Variants in USP50 observed in about 807,000 individuals in gnomAD.
The protein encoded by USP50 is ubiquitin specific peptidase 50, also known as ubiquitin carboxyl-terminal hydrolase 50.
USP50 carries 37 observed loss-of-function variants against 39.2 expected under a neutral mutation model. The observed-to-expected ratio is 0.94, with a 90% CI of 0.73 to 1.24. The LOEUF (loss-of-function observed/expected upper bound fraction) is 1.24. Ranked by LOEUF, USP50 falls within the 50% of genes most tolerant of loss-of-function variation. USP50 has a pLI of 0.00. For synonymous variants in USP50, 139 were observed against 144.5 expected, an observed-to-expected ratio of 0.96 and a Z score of 0.27; for missense variants, 374 against 398.2, an observed-to-expected ratio of 0.94 and a Z score of 0.52.
At chr15:50,523,096 A>C (rs548638905) in intron 6 of USP50, among the ~76,000 whole-genome samples, 1 of 151,360 alleles carries the variant, frequency 6.6e-6, no homozygotes, top group East Asian at 1.9e-4. Context: ...ACCCCTAAAA[A>C]CTCCACCAAA....
chr15:50,523,415 C>T (rs1329501460), intron 6 of USP50, among the ~76,000 whole-genome samples: 1 of 151,796 alleles, frequency 6.6e-6, no homozygotes, highest in Admixed American at 6.6e-5. Context: ...TCAAGCAATC[C>T]TCCCACCTCT....
At chr15:50,499,816 A>G (rs1470043276), downstream of USP50, 1 of 152,194 alleles carries the variant, frequency 6.6e-6, no homozygotes, top group Non-Finnish European at 1.5e-5. Flanking sequence ...ATATTGTATT[A>G]TCAAATATAG....
At chr15:50,500,865 G>A in intron 6 of USP50, 28 bp from the exon 7 acceptor site, 1 of 1,547,188 alleles carries the variant, frequency 6.5e-7, no homozygotes, top group South Asian at 1.2e-5. Context: ...GTCAAACTTA[G>A]TATTCACATA....
chr15:50,516,088 T>A (rs2052801443), intron 6 of USP50, among the ~76,000 whole-genome samples: 1 of 152,196 alleles, frequency 6.6e-6, no homozygotes, highest in African/African-American at 2.4e-5. Context: ...TAAAATAGCC[T>A]GTAGTAAGTA....
intron 6 of USP50, among the ~76,000 whole-genome samples, chr15:50,516,660 A>G (rs1332699291): frequency 1.3e-5 from 2 of 152,040 alleles, no homozygotes; most frequent in African/African-American, 4.8e-5. Context: ...TAGCTACGAG[A>G]GGCAGTAGGG....
chr15:50,526,746 C>T lies in USP50; in HGVS notation c.936+3051G>A, dbSNP rs150298903. Among the ~76,000 whole-genome samples, 19 of 152,220 alleles carry T rather than the reference C, an allele frequency of 1.2e-4. No homozygotes were observed. In the East Asian group the frequency reaches 2.5e-3, roughly 20 times the overall value. The stretch of plus-strand genomic sequence containing the variant: ...CACAATGTCAGAGACGAGAGCAAGA[C>T]GGTTTGGAGCCAGCCTGCCTGGGTT... On this transcript the variant is annotated intron_variant, in intron 6 of 6. Transcript: ENST00000532404.
chr15:50,527,783 T>C (rs185086723), intron 6 of USP50, among the ~76,000 whole-genome samples: 232 of 151,788 alleles, frequency 1.5e-3, no homozygotes, highest in Non-Finnish European at 2.5e-3. Flanking sequence ...TACAGGTGCA[T>C]GCCACCACAC....
chr15:50,544,552 G>A (rs753448080), intron 2 of USP50, 35 bp downstream of exon 2: 34 of 1,580,396 alleles, frequency 2.2e-5, no homozygotes, highest in African/African-American at 2.7e-5. Flanking sequence ...AAGTGGGGGT[G>A]GGGGCTGGGC....
downstream of USP50, chr15:50,499,120 A>C: frequency 6.5e-7 from 1 of 1,541,564 alleles, no homozygotes; most frequent in Non-Finnish European, 8.7e-7. Flanking sequence ...GTTATCTTTT[A>C]AAAGGCTCAG....
downstream of USP50, chr15:50,499,064 A>C (rs536740079): frequency 5.6e-6 from 9 of 1,611,140 alleles, no homozygotes; most frequent in Middle Eastern, 1.7e-4. Context: ...CATTGGGACC[A>C]CGAGTAACTG....
chr15:50,542,074 A>G (rs962317018), intron 3 of USP50, among the ~76,000 whole-genome samples: 1 of 152,024 alleles, frequency 6.6e-6, no homozygotes, highest in African/African-American at 2.4e-5. Context: ...TAAGAGAGCA[A>G]ATCTTAAATT....
At chr15:50,500,253 T>G (rs2052558785), downstream of USP50, 1 of 152,590 alleles carries the variant, frequency 6.6e-6, no homozygotes, top group African/African-American at 2.4e-5. Context: ...TCAAATATAT[T>G]CAAATCATAT....
At chr15:50,499,616 G>A (rs1412633136), downstream of USP50, 2 of 151,634 alleles carry the variant, frequency 1.3e-5, no homozygotes, top group Admixed American at 1.3e-4. Flanking sequence ...GTTAACTTCA[G>A]TGCTTTCTTA....
At chr15:50,532,041 T>TGC (rs2052944130) in intron 5 of USP50, 1 of 444,314 alleles carries the variant, frequency 2.3e-6, no homozygotes, top group Admixed American at 2.5e-5. Flanking sequence ...CAGAAACCTC[T>TGC]GAGGGAACAG....
At chr15:50,536,716 A>C (rs1333031603) in intron 5 of USP50, among the ~76,000 whole-genome samples, 1 of 152,186 alleles carries the variant, frequency 6.6e-6, no homozygotes, top group African/African-American at 2.4e-5. Flanking sequence ...TCAAAAATGA[A>C]ATACTTAGTT....
chr15:50,534,325 G>A (rs1159549701), intron 5 of USP50, among the ~76,000 whole-genome samples: 1 of 151,988 alleles, frequency 6.6e-6, no homozygotes, highest in Non-Finnish European at 1.5e-5. Context: ...CAAACTCTAG[G>A]GCAACCACTA....
chr15:50,500,483 T>G (rs2052563232), downstream of USP50: 3 of 317,076 alleles, frequency 9.5e-6, no homozygotes, highest in African/African-American at 6.3e-5. Context: ...CCAAGACCCA[T>G]CTTCTGGACG....
intron 5 of USP50, among the ~76,000 whole-genome samples, chr15:50,531,395 C>G (rs1458890284): frequency 1.3e-5 from 2 of 152,154 alleles, no homozygotes; most frequent in African/African-American, 4.8e-5. Flanking sequence ...AAAAAAGGCA[C>G]TACTAATGCA....
chr15:50,542,045 TA>T (rs11399289), intron 3 of USP50, among the ~76,000 whole-genome samples: 2,536 of 138,394 alleles, frequency 0.018, 56 homozygotes, highest in African/African-American at 0.055. Context: ...CAAGGTTAAT[TA>T]AAAAAAAAAA....
Sources: gnomAD v4.1 joint callset for allele counts (sites outside exome capture counted in the v4.1 genomes callset) on GRCh38, gnomAD v4.1.1 for gene constraint, MANE v1.5 for transcripts, NCBI Gene and HGNC (gene_info 2026-07-23, HGNC 2026-07-21) for gene names.